APH1B: variants seen among roughly 807,000 people sequenced by gnomAD.
APH1B encodes gamma-secretase subunit APH-1B.
APH1B carries 27 observed loss-of-function variants against 28.2 expected under a neutral mutation model. That is an observed-to-expected ratio of 0.96 (90% CI 0.70 to 1.32). APH1B has a LOEUF of 1.32. APH1B is among the 40% of genes most tolerant of loss of function. The pLI, the probability that APH1B is intolerant of heterozygous loss-of-function variation, is 0.00. For missense variants in APH1B, 305 were observed against 313.6 expected, an observed-to-expected ratio of 0.97 and a Z score of 0.21; for synonymous variants, 141 against 124.6, an observed-to-expected ratio of 1.13 and a Z score of -0.88.
chr15:63,297,740 TG>T (rs1459962123), intron 4 of APH1B, among the ~76,000 whole-genome samples: 3 of 152,186 alleles, frequency 2.0e-5, no homozygotes, highest in African/African-American at 7.2e-5. Context: ...TGTATGTAGC[TG>T]TAGCCACGTG....
chr15:63,287,679 C>A, intron 4 of APH1B, 133 bp downstream of exon 4: 1 of 1,177,166 alleles, frequency 8.5e-7, no homozygotes, highest in Non-Finnish European at 1.2e-6. Context: ...CTCTGAGGCA[C>A]TGTGAAGTAA....
At chr15:63,297,978 T>C (rs2038585741) in intron 4 of APH1B, among the ~76,000 whole-genome samples, 1 of 152,142 alleles carries the variant, frequency 6.6e-6, no homozygotes, top group South Asian at 2.1e-4. Flanking sequence ...CTTCTAGATA[T>C]TGTGTTAATA....
At position 63,308,957 on chromosome 15, in the gene APH1B, G is replaced by T. The variant is rs1322681040; in HGVS notation, c.*3176G>T. 1.3e-5 allele frequency: 2 copies of T among 152,160 alleles called. No individual in the cohort carries two copies. The highest frequency in any genetic ancestry group is 2.9e-5 in the Non-Finnish European group (2 of 68,012). 9.4% of individuals were successfully genotyped at this position (152,160 alleles called of 1,614,324 possible). ...TTACTTCATTCTATTAAATTTTAGT[G>T]TTTAGAAGAGGCGGGTACTGTCACT... On this transcript the variant is annotated 3_prime_UTR_variant, in exon 6 of 6. Transcript: ENST00000261879.
intron 4 of APH1B, among the ~76,000 whole-genome samples, chr15:63,296,022 A>T (rs995294949): frequency 6.6e-6 from 1 of 152,218 alleles, no homozygotes; most frequent in African/African-American, 2.4e-5. Flanking sequence ...AGAGAAGGTT[A>T]TTTGATTAGC....
chr15:63,279,833 T>C (rs1358872632), intron 2 of APH1B, among the ~76,000 whole-genome samples: 1 of 149,966 alleles, frequency 6.7e-6, no homozygotes, highest in Non-Finnish European at 1.5e-5. Flanking sequence ...TTTTCGCTCC[T>C]GTTGCCCAGG....
Position 63,307,019 on chromosome 15 carries a change from G to T in APH1B, c.*1238G>T, listed in dbSNP as rs1034803797. ...TATAAAGGGAAAATTCTGGCAAATC[G>T]TGCCTTTACTATTAGAAATTGTTCC... is the stretch of plus-strand genomic sequence containing the variant. On this transcript the variant is annotated 3_prime_UTR_variant, in exon 6 of 6. Transcript: ENST00000261879. 6.6e-6 allele frequency: 1 copy of T among 152,150 alleles called. No individual in the cohort carries two copies. The highest frequency in any genetic ancestry group is 2.4e-5 in the African/African-American group (1 of 41,440). 9.4% of individuals were successfully genotyped at this position (152,150 alleles called of 1,614,324 possible). A position where few individuals can be genotyped will look rare whatever the true frequency, so the allele number is the denominator to read the frequency against.
At chr15:63,281,159 CA>C (rs1222868006) in intron 2 of APH1B, among the ~76,000 whole-genome samples, 1 of 151,714 alleles carries the variant, frequency 6.6e-6, no homozygotes, top group Non-Finnish European at 1.5e-5. Context: ...CAAGCAAAAA[CA>C]AAAACTCCCT....
At chr15:63,279,102 TAAAC>T in intron 1 of APH1B, 55 bp from the exon 2 acceptor site, 1 of 1,319,288 alleles carries the variant, frequency 7.6e-7, no homozygotes, top group Non-Finnish European at 1.0e-6. Context: ...TTCCTGCTTT[TAAAC>T]ATTATTAATC....
chr15:63,282,613 G>A (rs1009486942), intron 2 of APH1B, among the ~76,000 whole-genome samples: 1 of 151,756 alleles, frequency 6.6e-6, no homozygotes, highest in African/African-American at 2.4e-5. Flanking sequence ...TATGTTGCTT[G>A]AAACTCCTGT....
intron 2 of APH1B, among the ~76,000 whole-genome samples, chr15:63,283,010 C>T (rs959725315): frequency 1.3e-5 from 2 of 152,030 alleles, no homozygotes; most frequent in African/African-American, 2.4e-5. Context: ...TAAATGCAAA[C>T]AAAGAATTTT....
chr15:63,294,400 G>T (rs541182559), intron 4 of APH1B, among the ~76,000 whole-genome samples: 1 of 152,212 alleles, frequency 6.6e-6, no homozygotes, highest in Admixed American at 6.5e-5. Flanking sequence ...ATTTGGCCTG[G>T]GAATCCCAGC....
chr15:63,277,881 C>T (rs1595757250), intron 1 of APH1B, 145 bp downstream of exon 1: 7 of 802,480 alleles, frequency 8.7e-6, no homozygotes, highest in South Asian at 7.3e-5. Flanking sequence ...AGCGGAGATC[C>T]GGCTCCCCAA....
chr15:63,284,963 C>T (rs1346848345), intron 2 of APH1B, among the ~76,000 whole-genome samples: 1 of 152,028 alleles, frequency 6.6e-6, no homozygotes, highest in African/African-American at 2.4e-5. Flanking sequence ...TATATGTGTC[C>T]CATAAGCTTT....
intron 2 of APH1B, among the ~76,000 whole-genome samples, chr15:63,282,498 A>G (rs1412633551): frequency 1.3e-5 from 2 of 152,232 alleles, no homozygotes; most frequent in Admixed American, 1.3e-4. Flanking sequence ...ATAAAGAGAA[A>G]TTGGCATGTG....
At chr15:63,284,556 TG>T (rs1205321307) in intron 2 of APH1B, among the ~76,000 whole-genome samples, 1 of 128,394 alleles carries the variant, frequency 7.8e-6, no homozygotes, top group Non-Finnish European at 1.6e-5. Flanking sequence ...GCACTAGGTT[TG>T]TTTACACCAA....
At chr15:63,293,679 G>C (rs2038530531) in intron 4 of APH1B, among the ~76,000 whole-genome samples, 1 of 152,000 alleles carries the variant, frequency 6.6e-6, no homozygotes. Context: ...TGTATTTTTA[G>C]GAGAGACAGG....
chr15:63,295,542 G>A (rs537061639), intron 4 of APH1B, among the ~76,000 whole-genome samples: 1 of 152,370 alleles, frequency 6.6e-6, no homozygotes, highest in African/African-American at 2.4e-5. Context: ...TCAGTGAGCA[G>A]GAGTTAGAGC....
At chr15:63,290,189 A>T (rs182447126) in intron 4 of APH1B, among the ~76,000 whole-genome samples, 19 of 152,320 alleles carry the variant, frequency 1.2e-4, no homozygotes, top group African/African-American at 4.1e-4. Context: ...TAAGATCCAT[A>T]CTATATGATA....
intron 3 of APH1B, 101 bp downstream of exon 3, chr15:63,286,729 T>C: frequency 9.0e-7 from 1 of 1,116,818 alleles, no homozygotes; most frequent in Non-Finnish European, 1.3e-6. Flanking sequence ...TAGTTGTTTA[T>C]TACTGCCTTG....
Sources: gnomAD v4.1 joint callset for allele counts (sites outside exome capture counted in the v4.1 genomes callset) on GRCh38, gnomAD v4.1.1 for gene constraint, MANE v1.5 for transcripts, NCBI Gene and HGNC (gene_info 2026-07-23, HGNC 2026-07-21) for gene names.